Variants in GALNT1 observed in about 807,000 individuals in gnomAD.
GALNT1 encodes the protein GalNAc transferase 1.
In GALNT1, 17 loss-of-function variants were observed where a neutral mutation model predicts 65.7. The ratio of observed to expected loss-of-function variants is 0.26; its 90% CI spans 0.18 to 0.39. The LOEUF is 0.39. Among genes scored for constraint, GALNT1 ranks in the 10% least tolerant of loss-of-function variants. The pLI is 1.00. For synonymous variants in GALNT1, 210 were observed against 219.7 expected (o/e 0.96, Z 0.39); for missense variants, 460 against 672.8 (o/e 0.68, Z 3.50).
intron 1 of GALNT1, among the ~76,000 whole-genome samples, chr18:35,594,152 A>G (rs1451821855): frequency 6.6e-6 from 1 of 152,142 alleles, no homozygotes; most frequent in Admixed American, 6.5e-5. Context: ...CCTGAAAGTT[A>G]CCTTGGGAGA....
At chr18:35,667,101 C>T (rs913971458) in intron 3 of GALNT1, among the ~76,000 whole-genome samples, 9 of 152,208 alleles carry the variant, frequency 5.9e-5, no homozygotes, top group South Asian at 2.1e-4. Context: ...CTGAGATGTC[C>T]GTCAACAATC....
At chr18:35,639,124 A>G (rs1335923542) in intron 1 of GALNT1, among the ~76,000 whole-genome samples, 2 of 152,226 alleles carry the variant, frequency 1.3e-5, no homozygotes, top group East Asian at 1.9e-4. Context: ...ATTGGCTTCA[A>G]TTTCGAAAAA....
chr18:35,706,465 G>C (rs779473239), intron 11 of GALNT1, among the ~76,000 whole-genome samples: 3 of 152,080 alleles, frequency 2.0e-5, no homozygotes, highest in Non-Finnish European at 4.4e-5. Flanking sequence ...CCGCGCCACT[G>C]CACTCCAGCC....
chr18:35,667,323 G>A (rs924063861), intron 3 of GALNT1, among the ~76,000 whole-genome samples: 2 of 152,090 alleles, frequency 1.3e-5, no homozygotes, highest in East Asian at 1.9e-4. Context: ...GCCCTATGTC[G>A]ACACCCGTGT....
chr18:35,593,450 T>G (rs2046468712), intron 1 of GALNT1, among the ~76,000 whole-genome samples: 1 of 152,136 alleles, frequency 6.6e-6, no homozygotes, highest in Non-Finnish European at 1.5e-5. Context: ...TTCGGGGTAG[T>G]TGAGGCAAGT....
chr18:35,593,336 G>A (rs564460139), intron 1 of GALNT1, among the ~76,000 whole-genome samples: 2 of 152,268 alleles, frequency 1.3e-5, no homozygotes, highest in African/African-American at 2.4e-5. Context: ...TAGCAGAGGC[G>A]GAAGAGCAGA....
chr18:35,663,512 T>C (rs934739277), intron 2 of GALNT1, 116 bp from the exon 3 acceptor site: 11 of 1,052,476 alleles, frequency 1.0e-5, no homozygotes, highest in South Asian at 6.7e-5. Context: ...GAGGGTGGGC[T>C]CAGAAAGGGT....
At chr18:35,701,761 G>A (rs953988733) in intron 9 of GALNT1, among the ~76,000 whole-genome samples, 12 of 152,272 alleles carry the variant, frequency 7.9e-5, no homozygotes, top group South Asian at 2.1e-4. Flanking sequence ...GGGTGGGGAC[G>A]TATTAAAATG....
At chr18:35,655,759 A>G (rs1237367997) in intron 2 of GALNT1, among the ~76,000 whole-genome samples, 1 of 152,186 alleles carries the variant, frequency 6.6e-6, no homozygotes, top group Non-Finnish European at 1.5e-5. Context: ...GAAAAAAAAT[A>G]TTGATTTGTA....
At position 35,621,007 on chromosome 18, in the gene GALNT1, T is replaced by A. The variant is rs1029943348; in HGVS notation, c.-103-33553T>A. Among the ~76,000 whole-genome samples the A allele has an allele frequency of 4.6e-5, 7 of 152,178 alleles. No individual in the cohort carries two copies. The East Asian group carries it at 1.3e-3, about 29-fold the overall frequency. ...AGTGTCCCATTTCCTTATTTCTTACTAGTTGTGTTTTTGCCAGTTTGATGA... is the reference window on the plus strand; with the variant it reads ...AGTGTCCCATTTCCTTATTTCTTACAAGTTGTGTTTTTGCCAGTTTGATGA... On this transcript the variant is annotated intron_variant, in intron 1 of 11. Transcript: ENST00000269195.
rs528899704 is a variant in GALNT1 at position 35,709,908 on chromosome 18, A to C, written c.*138A>C. On this transcript the variant is annotated 3_prime_UTR_variant, in exon 12 of 12. Transcript: ENST00000269195. ...GATGTAAGGTTTATCAGCCATTAAA[A>C]CTTAGACTTCTCTAGCTTTTCACTA... The C allele has an allele frequency of 1.4e-4, 136 of 995,504 alleles. No individual in the cohort carries two copies. The highest frequency in any genetic ancestry group is 1.7e-4 in the Non-Finnish European group (119 of 695,286). 61.7% of individuals were successfully genotyped at this position (995,504 alleles called of 1,614,324 possible). A position where few individuals can be genotyped will look rare whatever the true frequency, so the allele number is the denominator to read the frequency against.
At chr18:35,599,568 C>T (rs2046554301) in intron 1 of GALNT1, among the ~76,000 whole-genome samples, 1 of 152,072 alleles carries the variant, frequency 6.6e-6, no homozygotes, top group African/African-American at 2.4e-5. Flanking sequence ...GACCTGGTTT[C>T]ACCAGGCTGG....
At chr18:35,598,105 C>T (rs923785512) in intron 1 of GALNT1, among the ~76,000 whole-genome samples, 7 of 147,084 alleles carry the variant, frequency 4.8e-5, no homozygotes, top group African/African-American at 1.0e-4. Flanking sequence ...TGCAGTGGCG[C>T]GACCTCAGTT....
At chr18:35,581,494 C>T (rs2046312706), upstream of GALNT1, among the ~76,000 whole-genome samples, 1 of 144,580 alleles carries the variant, frequency 6.9e-6, no homozygotes, top group African/African-American at 2.5e-5. Context: ...GCCGCTGCCG[C>T]CGAGCACGCA....
intron 1 of GALNT1, among the ~76,000 whole-genome samples, chr18:35,636,682 AAAAT>A (rs2047092776): frequency 6.6e-6 from 1 of 152,202 alleles, no homozygotes; most frequent in African/African-American, 2.4e-5. Context: ...ATCATTGGAC[AAAAT>A]AAATATCCAG....
intron 2 of GALNT1, among the ~76,000 whole-genome samples, chr18:35,660,688 G>T (rs1263032301): frequency 1.3e-5 from 2 of 152,100 alleles, no homozygotes; most frequent in African/African-American, 4.8e-5. Context: ...CTTTTTAGTT[G>T]CTTTCTAATG....
At chr18:35,582,302 A>G (rs1335077956) in intron 1 of GALNT1, among the ~76,000 whole-genome samples, 1 of 152,084 alleles carries the variant, frequency 6.6e-6, no homozygotes, top group Non-Finnish European at 1.5e-5. Context: ...GAGGACCCGG[A>G]CCTAAATTAG....
chr18:35,620,949 C>A (rs1172949468), intron 1 of GALNT1, among the ~76,000 whole-genome samples: 1 of 152,032 alleles, frequency 6.6e-6, no homozygotes, highest in African/African-American at 2.4e-5. Flanking sequence ...CCAAAGTGGC[C>A]GTGCCAAATT....
chr18:35,621,349 T>TC lies in GALNT1; in HGVS notation c.-103-33210dup, dbSNP rs1314230759. Among the ~76,000 whole-genome samples the TC allele has an allele frequency of 8.8e-5, 13 of 147,170 alleles. No homozygotes were observed. In the East Asian group the frequency reaches 2.4e-3, roughly 27 times the overall value. ...GCGTGTCAACACACCTGGCTAATTT[T>TC]CTTTTTTTTTACTTTTTGCTTTTTG... On this transcript the variant is annotated intron_variant, in intron 1 of 11. Coordinates refer to ENST00000269195, the MANE Select transcript of GALNT1 (RefSeq NM_020474.4).
Sources: gnomAD v4.1 joint callset for allele counts (sites outside exome capture counted in the v4.1 genomes callset) on GRCh38, gnomAD v4.1.1 for gene constraint, MANE v1.5 for transcripts, NCBI Gene and HGNC (gene_info 2026-07-23, HGNC 2026-07-21) for gene names.